Variants in NXPH1 observed in about 807,000 individuals in gnomAD.
NXPH1 encodes neurexophilin-1.
A neutral mutation model predicts 23.7 loss-of-function variants in NXPH1; 5 were observed. That is an observed-to-expected ratio of 0.21 (90% CI 0.11 to 0.44). The LOEUF is 0.44. Ranked by LOEUF, NXPH1 falls within the 20% of genes least tolerant of loss-of-function variation. NXPH1 has a pLI of 0.99. For synonymous variants in NXPH1, 144 were observed against 122.2 expected (o/e 1.18, Z -1.18); for missense variants, 324 against 321.6 (o/e 1.01, Z -0.06).
intron 2 of NXPH1, among the ~76,000 whole-genome samples, chr7:8,480,179 A>G (rs1455351463): frequency 6.6e-6 from 1 of 152,100 alleles, no homozygotes; most frequent in Non-Finnish European, 1.5e-5. Flanking sequence ...TGGTTGCAGG[A>G]AGTTGGCCTT....
In NXPH1 at chr7:8,435,387, C is replaced by T. The variant is rs980726701; in HGVS notation, c.-110-217C>T. ...GAGGAGCGCAGGGGGCAAGGAGCCC[C>T]TCACCCTCCCTCTCGTCCGCCCGCC... is the stretch of plus-strand genomic sequence containing the variant. On this transcript the variant is annotated intron_variant, in intron 1 of 2. Coordinates refer to ENST00000405863, the MANE Select transcript of NXPH1 (RefSeq NM_152745.3). This position sits in a 1 kb window ranked among gnomAD's most constrained non-coding sequence, Gnocchi z 5.9. The T allele has an allele frequency of 2.3e-6, 1 of 441,898 alleles. No individual in the cohort carries two copies. The highest frequency in any genetic ancestry group is 4.1e-6 in the Non-Finnish European group (1 of 243,024). 27.4% of individuals were successfully genotyped at this position (441,898 alleles called of 1,614,324 possible).
intron 2 of NXPH1, among the ~76,000 whole-genome samples, chr7:8,648,138 A>G (rs1463025972): frequency 6.6e-6 from 1 of 151,026 alleles, no homozygotes. Context: ...CATCCCCTCA[A>G]GCATTTATCC....
Position 8,489,180 on chromosome 7 carries a change from C to T in NXPH1, c.54+53413C>T, listed in dbSNP as rs535367986. ...AAAATAACAGCAACGTCTGTCCCCA[C>T]GTGCTGGGGAAGATTCGGCCTATCT... On this transcript the variant is annotated intron_variant, in intron 2 of 2. Transcript: ENST00000405863. 3.9e-5 allele frequency among the ~76,000 whole-genome samples: 6 copies of T among 152,070 alleles called. No individual in the cohort carries two copies. The East Asian group carries it at 5.8e-4, about 15-fold the overall frequency.
intron 2 of NXPH1, among the ~76,000 whole-genome samples, chr7:8,498,084 T>C (rs1260760222): frequency 6.6e-6 from 1 of 152,110 alleles, no homozygotes; most frequent in African/African-American, 2.4e-5. Context: ...TTTGTGAGAA[T>C]ATTGAATCAA....
At chr7:8,495,501 G>A (rs1817318853) in intron 2 of NXPH1, among the ~76,000 whole-genome samples, 1 of 151,888 alleles carries the variant, frequency 6.6e-6, no homozygotes, top group Non-Finnish European at 1.5e-5. Flanking sequence ...TCTGAAGCTG[G>A]TTTTCTGTAG....
In NXPH1 at chr7:8,438,750, T is replaced by G. The variant is rs6955800; in HGVS notation, c.54+2983T>G. ...GTCAATGCCCCACACCAAGCCACAGTTTCCTACCTGTATTTGGGTGAATGT... is the reference window on the plus strand; with the variant it reads ...GTCAATGCCCCACACCAAGCCACAGGTTCCTACCTGTATTTGGGTGAATGT... On this transcript the variant is annotated intron_variant, in intron 2 of 2. Transcript: ENST00000405863. 7.5e-3 allele frequency among the ~76,000 whole-genome samples: 1,146 copies of G among 152,368 alleles called. 20 individuals are homozygous for G. Among genetic ancestry groups the G allele is most frequent in the African/African-American group, 0.026 (1,079 of 41,588 alleles).
chr7:8,616,042 C>G (rs1252717864), intron 2 of NXPH1, among the ~76,000 whole-genome samples: 1 of 152,020 alleles, frequency 6.6e-6, no homozygotes, highest in Non-Finnish European at 1.5e-5. Flanking sequence ...TATATTAGAT[C>G]TCTGCTCAAA....
intron 2 of NXPH1, among the ~76,000 whole-genome samples, chr7:8,468,173 A>G (rs951231811): frequency 1.3e-5 from 2 of 152,124 alleles, no homozygotes; most frequent in East Asian, 3.9e-4. Context: ...TGCTTCCAGA[A>G]TGTAGCATAT....
intron 2 of NXPH1, among the ~76,000 whole-genome samples, chr7:8,736,755 C>T (rs951122995): frequency 6.6e-6 from 1 of 151,960 alleles, no homozygotes; most frequent in Non-Finnish European, 1.5e-5. Flanking sequence ...ATTTGTGTGA[C>T]AGTCTAAGTC....
chr7:8,523,405 G>A (rs958615654), intron 2 of NXPH1, among the ~76,000 whole-genome samples: 4 of 152,136 alleles, frequency 2.6e-5, no homozygotes, highest in African/African-American at 9.7e-5. Context: ...TCTCATGATT[G>A]TACAAAAATA....
At chr7:8,506,965 TG>T (rs1197227212) in intron 2 of NXPH1, among the ~76,000 whole-genome samples, 1 of 151,708 alleles carries the variant, frequency 6.6e-6, no homozygotes, top group Non-Finnish European at 1.5e-5. Flanking sequence ...TGAGCATGGG[TG>T]TGACATGATC....
intron 2 of NXPH1, among the ~76,000 whole-genome samples, chr7:8,694,882 G>T (rs948608666): frequency 2.6e-5 from 4 of 152,108 alleles, no homozygotes; most frequent in Admixed American, 2.0e-4. Flanking sequence ...GTTAAATTAA[G>T]TTTAAAATGA....
chr7:8,577,991 A>G (rs1051005654), intron 2 of NXPH1, among the ~76,000 whole-genome samples: 1 of 152,204 alleles, frequency 6.6e-6, no homozygotes, highest in Non-Finnish European at 1.5e-5. Flanking sequence ...CTCAGACAGA[A>G]ACCTCACGAA....
chr7:8,542,863 AG>A (rs1218560252), intron 2 of NXPH1, among the ~76,000 whole-genome samples: 1 of 151,574 alleles, frequency 6.6e-6, no homozygotes, highest in African/African-American at 2.4e-5. Flanking sequence ...ACTATGAGAA[AG>A]ACTTATTCAA....
At chr7:8,520,687 A>AG (rs35325754) in intron 2 of NXPH1, among the ~76,000 whole-genome samples, 51,608 of 151,876 alleles carry the variant, frequency 0.34, 9,032 homozygotes, top group African/African-American at 0.38. Flanking sequence ...TAACCTTTTC[A>AG]GTGTCACTCT....
intron 2 of NXPH1, among the ~76,000 whole-genome samples, chr7:8,604,299 C>T (rs1819428587): frequency 1.3e-5 from 2 of 152,046 alleles, no homozygotes; most frequent in Admixed American, 6.6e-5. Context: ...TTTTATATTT[C>T]TAATTATCTT....
chr7:8,536,508 G>C (rs1226257458), intron 2 of NXPH1, among the ~76,000 whole-genome samples: 1 of 151,970 alleles, frequency 6.6e-6, no homozygotes, highest in African/African-American at 2.4e-5. Flanking sequence ...TTAACTGGTA[G>C]CTGACAAGCT....
rs140821349 is a variant in NXPH1 at position 8,635,778 on chromosome 7, C to T, written c.55-115230C>T. Reference sequence around the variant, plus strand: ...TTTAACCAATGGAAAGATGAAACAGCTTTTTTTCTTTTTTTGACAATTAAA... The same window carrying T: ...TTTAACCAATGGAAAGATGAAACAGTTTTTTTTCTTTTTTTGACAATTAAA... On this transcript the variant is annotated intron_variant, in intron 2 of 2. Transcript: ENST00000405863. 1.2e-3 allele frequency among the ~76,000 whole-genome samples: 187 copies of T among 152,232 alleles called. 2 individuals are homozygous for T. In the East Asian group the frequency reaches 0.028, roughly 23 times the overall value.
In NXPH1 at chr7:8,638,715, A is replaced by G. The variant is rs754467692; in HGVS notation, c.55-112293A>G. On this transcript the variant is annotated intron_variant, in intron 2 of 2. Transcript: ENST00000405863. ...GTGCATATTAATTTGGTGAATGATTATTGTGTTTAATGTTTCAATAGTATG... is the reference window on the plus strand; with the variant it reads ...GTGCATATTAATTTGGTGAATGATTGTTGTGTTTAATGTTTCAATAGTATG... Among the ~76,000 whole-genome samples the G allele has an allele frequency of 2.6e-5, 4 of 152,268 alleles. No individual in the cohort carries two copies. The South Asian group carries it at 6.2e-4, about 24-fold the overall frequency.
Sources: gnomAD v4.1 joint callset for allele counts (sites outside exome capture counted in the v4.1 genomes callset) on GRCh38, gnomAD v4.1.1 for gene constraint, Gnocchi (gnomAD v3.1) non-coding constraint, MANE v1.5 for transcripts, NCBI Gene and HGNC (gene_info 2026-07-23, HGNC 2026-07-21) for gene names.